DSP: variants seen among roughly 807,000 people sequenced by gnomAD.
DSP encodes the protein 250/210 kDa paraneoplastic pemphigus antigen.
In DSP, 114 loss-of-function variants were observed where a neutral mutation model predicts 290.6. The ratio of observed to expected loss-of-function variants is 0.39; its 90% CI spans 0.34 to 0.46. The LOEUF is 0.46. DSP is among the 20% of genes least tolerant of loss of function. DSP has a pLI of 0.99. For missense variants in DSP, 3,230 were observed against 3,495.8 expected (o/e 0.92, Z 1.92); for synonymous variants, 1,311 against 1,316.4 (o/e 1.00, Z 0.09).
At chr6:7,575,549 A>G (rs1489315027) in intron 18 of DSP, 61 bp downstream of exon 18, 1 of 1,599,450 alleles carries the variant, frequency 6.3e-7, no homozygotes, top group African/African-American at 1.3e-5. Flanking sequence ...TCACAAGATA[A>G]TGTCACTTGA....
chr6:7,551,247 T>C (rs1758333062), intron 1 of DSP, among the ~76,000 whole-genome samples: 1 of 151,406 alleles, frequency 6.6e-6, no homozygotes, highest in Non-Finnish European at 1.5e-5. Context: ...TTTCTGAGAT[T>C]AAAAAAAAAT....
chr6:7,548,191 CG>C (rs1758223586), intron 1 of DSP, among the ~76,000 whole-genome samples: 1 of 151,840 alleles, frequency 6.6e-6, no homozygotes, highest in South Asian at 2.1e-4. Flanking sequence ...CGCTTGAACC[CG>C]GGAGGCAGAG....
chr6:7,567,416 T>C lies in DSP; in HGVS notation c.1107T>C (p.Asp369=), dbSNP rs1232489920. 2 of 1,614,014 alleles carry C rather than the reference T, an allele frequency of 1.2e-6. No individual in the cohort carries two copies. The highest frequency in any genetic ancestry group is 2.2e-5 in the East Asian group (1 of 44,884). The part of the protein sequence containing the change: ...SWILQITKCI[D]VHLKENAAYF... Reference sequence around the variant, plus strand: ...TTCTTCAGATCACCAAGTGCATTGATGTTCATCTGAAAGAAAATGCTGCCT... The same window carrying C: ...TTCTTCAGATCACCAAGTGCATTGACGTTCATCTGAAAGAAAATGCTGCCT... Residue 369 remains aspartate, a synonymous_variant, in exon 9 of 24, where the codon GAT becomes GAC. Coordinates refer to ENST00000379802, the MANE Select transcript of DSP (RefSeq NM_004415.4).
rs113128340 is a variant in DSP, at chr6:7,542,385, C to A, written c.170+300C>A. Among the ~76,000 whole-genome samples, 4,618 of 152,202 alleles carry A rather than the reference C, an allele frequency of 0.03. 258 individuals carry two copies. Among genetic ancestry groups the A allele is most frequent in the African/African-American group, 0.11 (4,391 of 41,526 alleles). ...GGGGCTGTCCCCTGCCTGCTGGACA[C>A]GGCTGCAGCCGCCTTTGTCCCAGCC... On this transcript the variant is annotated intron_variant, in intron 1 of 23. Transcript: ENST00000379802.
At chr6:7,575,259 GATTA>G in intron 17 of DSP, 32 bp from the exon 18 acceptor site, 1 of 1,610,424 alleles carries the variant, frequency 6.2e-7, no homozygotes, top group South Asian at 1.1e-5. Context: ...TGGGAGAAGG[GATTA>G]ATTTGCAATC....
At position 7,579,806 on chromosome 6, in the gene DSP, T is replaced by A. The variant is rs151115778; in HGVS notation, c.3616T>A (p.Leu1206Ile). 142 of 1,613,524 alleles carry A rather than the reference T, an allele frequency of 8.8e-5. No individual in the cohort carries two copies. The highest frequency in any genetic ancestry group is 1.1e-4 in the Non-Finnish European group (131 of 1,179,920). ...CCACTATAATGAGGAGATGAGTAAT[T>A]TAAGGAACAAGTATGAAACAGAGAT... ...RNHYNEEMSN[L>I]RNKYETEINI... Residue 1206 changes from leucine to isoleucine, a missense_variant, in exon 23 of 24, where the codon TTA becomes ATA. By Grantham distance (5) the Leu-to-Ile change is conservative (BLOSUM62 2). Coordinates refer to ENST00000379802, the MANE Select transcript of DSP (RefSeq NM_004415.4). This position sits in a 1 kb window ranked among gnomAD's most constrained non-coding sequence, Gnocchi z 4.1.
Position 7,571,291 on chromosome 6 carries a change from C to T in DSP, c.1702-92C>T, listed in dbSNP as rs1296398166. On this transcript the variant is annotated intron_variant, in intron 13 of 23. Coordinates refer to ENST00000379802, the MANE Select transcript of DSP (RefSeq NM_004415.4). ...CTGTGATGAGTGTTGCTTTGAGTCC[C>T]ATCTAGTGGGTGGCATTTTTTGGCC... 10 of 1,233,682 alleles carry T rather than the reference C, an allele frequency of 8.1e-6. No homozygotes were observed. The South Asian group carries it at 9.6e-5, about 12-fold the overall frequency. 76.4% of individuals were successfully genotyped at this position (1,233,682 alleles called of 1,614,324 possible).
intron 1 of DSP, among the ~76,000 whole-genome samples, chr6:7,548,351 G>A (rs991368879): frequency 2.0e-5 from 3 of 152,126 alleles, no homozygotes; most frequent in South Asian, 4.2e-4. Flanking sequence ...TGAGGTCTCC[G>A]CCTCTGCAGT....
intron 1 of DSP, among the ~76,000 whole-genome samples, chr6:7,552,429 G>A (rs1035588146): frequency 6.6e-6 from 1 of 151,644 alleles, no homozygotes; most frequent in Admixed American, 6.6e-5. Context: ...TGGGCGTGGT[G>A]GTGCATGCCT....
Position 7,541,959 on chromosome 6 carries a change from G to T in DSP, c.44G>T (p.Gly15Val), listed in dbSNP as rs1265161836. ...TCCCACCCGCGGATCAACACTCTGG[G>T]CCGCATGATCCGCGCCGAGTCTGGC... ...GGSHPRINTL[G>V]RMIRAESGPD... Residue 15 changes from glycine (G) to valine (V), a missense_variant, in exon 1 of 24, where the codon GGC (glycine) becomes GTC (valine). Physicochemically the swap from Gly to Val is moderately radical, Grantham distance 109. Coordinates refer to ENST00000379802, the MANE Select transcript of DSP (RefSeq NM_004415.4). 1 of 1,609,016 alleles carries T rather than the reference G, an allele frequency of 6.2e-7. No homozygotes were observed.
chr6:7,566,316 G>A, intron 7 of DSP, 61 bp from the exon 8 acceptor site: 2 of 1,322,934 alleles, frequency 1.5e-6, no homozygotes, highest in South Asian at 1.2e-5. Flanking sequence ...AAAGTACTGT[G>A]GGGGTGATGG....
intron 1 of DSP, among the ~76,000 whole-genome samples, chr6:7,551,421 G>A (rs1320458188): frequency 6.6e-6 from 1 of 152,174 alleles, no homozygotes; most frequent in Non-Finnish European, 1.5e-5. Context: ...GAGGTCAGGA[G>A]TTTGAGACCA....
chr6:7,583,079 T>G lies in DSP; in HGVS notation c.5817T>G (p.Ile1939Met). Residue 1939 changes from isoleucine (I) to methionine (M), a missense_variant, in exon 24 of 24, where the codon ATT becomes ATG. Physicochemically the swap from Ile to Met is conservative, Grantham distance 10 (BLOSUM62 1). Coordinates refer to ENST00000379802, the MANE Select transcript of DSP (RefSeq NM_004415.4). This position sits in a 1 kb window ranked among gnomAD's most constrained non-coding sequence, Gnocchi z 4.0. ...ETERSRYQRE[I>M]DKLRQRPYGS... is the part of the protein sequence containing the mutation. ...AACGCTCCCGATATCAGAGGGAGAT[T>G]GATAAACTCAGACAGCGCCCATATG... 1 of 1,613,872 alleles carries G rather than the reference T, an allele frequency of 6.2e-7. No homozygotes were observed. The highest frequency in any genetic ancestry group is 8.5e-7 in the Non-Finnish European group (1 of 1,179,984).
rs374262024 is a variant in DSP, at chr6:7,583,980, C to G, written c.6718C>G (p.Gln2240Glu). The change falls in exon 24 of 24, where the codon CAG (glutamine) becomes GAG (glutamate). Residue 2240 changes from glutamine (Q) to glutamate (E), a missense_variant. Physicochemically the swap from Gln to Glu is conservative, Grantham distance 29 (BLOSUM62 2). Around this residue, in one of 5 missense-constraint regions of DSP, gnomAD observed 207 missense variants for 281.2 expected, o/e 0.74. Transcript: ENST00000379802. This position sits in a 1 kb window ranked among gnomAD's most constrained non-coding sequence, Gnocchi z 4.0. ...PSTVNELESG[Q>E]ISYDEVGERI... ...CACTGTCAATGAACTGGAATCTGGT[C>G]AGATTTCTTATGACGAGGTTGGTGA... 53 of 1,613,992 alleles carry G rather than the reference C, an allele frequency of 3.3e-5. No homozygotes were observed. The highest frequency in any genetic ancestry group is 4.1e-5 in the Non-Finnish European group (48 of 1,180,038).
chr6:7,585,798 C>G lies in DSP; in HGVS notation c.8536C>G (p.Arg2846Gly), dbSNP rs397516972. The G allele has an allele frequency of 2.2e-5, 36 of 1,610,742 alleles. No individual in the cohort carries two copies. The highest frequency in any genetic ancestry group is 2.7e-5 in the Non-Finnish European group (32 of 1,179,214). ...TCGCTCCGGGTCCCGCAGTGGGTCC[C>G]GGAGAGGAAGCTTTGACGCCACAGG... ...GSRSGSRSGSRRGSFDATGNS... is the reference protein window; with the variant it reads ...GSRSGSRSGSGRGSFDATGNS... Residue 2846 changes from arginine to glycine, a missense_variant, in exon 24 of 24, where the codon CGG becomes GGG. Around this residue, in one of 5 missense-constraint regions of DSP, gnomAD observed 582 missense variants for 555.4 expected, o/e 1.05. Transcript: ENST00000379802.
Position 7,580,119 on chromosome 6 carries a change from A to G in DSP, c.3929A>G (p.Lys1310Arg). The part of the protein sequence containing the change: ...QQRSEDNARH[K>R]QSLEEAAKTI... ...CGCTCTGAGGACAATGCCCGGCACAAGCAGTCCCTGGAGGAGGCTGCCAAG... is the reference window on the plus strand; with the variant it reads ...CGCTCTGAGGACAATGCCCGGCACAGGCAGTCCCTGGAGGAGGCTGCCAAG... The change falls in exon 23 of 24, where the codon AAG becomes AGG. Residue 1310 changes from lysine (K) to arginine (R), a missense_variant. Coordinates refer to ENST00000379802, the MANE Select transcript of DSP (RefSeq NM_004415.4). This position sits in a 1 kb window ranked among gnomAD's most constrained non-coding sequence, Gnocchi z 4.2. 6.2e-7 allele frequency: 1 copy of G among 1,614,120 alleles called. No individual in the cohort carries two copies. Among genetic ancestry groups the G allele is most frequent in the Non-Finnish European group, 8.5e-7 (1 of 1,179,990 alleles).
At chr6:7,549,488 A>G (rs764335097) in intron 1 of DSP, among the ~76,000 whole-genome samples, 1 of 152,330 alleles carries the variant, frequency 6.6e-6, no homozygotes, top group South Asian at 2.1e-4. Flanking sequence ...TAAATGAAGT[A>G]TTAAAAATAT....
Position 7,580,819 on chromosome 6 carries a change from A to C in DSP, c.4629A>C (p.Glu1543Asp), listed in dbSNP as rs1759410036. 2.5e-6 allele frequency: 4 copies of C among 1,614,160 alleles called. No individual in the cohort carries two copies. The highest frequency in any genetic ancestry group is 3.4e-6 in the Non-Finnish European group (4 of 1,180,034). Residue 1543 changes from glutamate (E) to aspartate (D), a missense_variant, in exon 23 of 24, where the codon GAA becomes GAC. By Grantham distance (45) the Glu-to-Asp change is conservative. Coordinates refer to ENST00000379802, the MANE Select transcript of DSP (RefSeq NM_004415.4). This position sits in a 1 kb window ranked among gnomAD's most constrained non-coding sequence, Gnocchi z 4.2. Reference sequence around the variant, plus strand: ...TGACACGCCTGAGGATCGACTATGAAAGGGTTTCCCAGGAGAGGACTGTGA... The same window carrying C: ...TGACACGCCTGAGGATCGACTATGACAGGGTTTCCCAGGAGAGGACTGTGA... ...QELTRLRIDY[E>D]RVSQERTVKD...
intron 15 of DSP, 86 bp from the exon 16 acceptor site, chr6:7,574,000 T>A (rs756135717): frequency 1.8e-4 from 255 of 1,412,190 alleles, no homozygotes; most frequent in Non-Finnish European, 2.5e-4. Flanking sequence ...TCTATGTGTA[T>A]TAAAACAGCA....
Sources: allele counts gnomAD v4.1 joint callset (sites outside exome capture counted in the v4.1 genomes callset), GRCh38; gene constraint gnomAD v4.1.1; regional missense constraint gnomAD v4.1.1; non-coding constraint Gnocchi (gnomAD v3.1); transcripts MANE v1.5; gene names NCBI Gene and HGNC (gene_info 2026-07-23, HGNC 2026-07-21).